The following ELMO1 variants were observed in gnomAD, a reference collection of about 807,000 sequenced individuals.
ELMO1 encodes engulfment and cell motility 1.
In ELMO1, 26 loss-of-function variants were observed where a neutral mutation model predicts 98.9. That is an observed-to-expected ratio of 0.26 (90% CI 0.19 to 0.36). The LOEUF is 0.36. ELMO1 is among the 10% of genes least tolerant of loss of function. ELMO1 has a pLI of 1.00. For synonymous variants in ELMO1, 346 were observed against 346.0 expected, an observed-to-expected ratio of 1.00 and a Z score of 0.00; for missense variants, 627 against 935.2, an observed-to-expected ratio of 0.67 and a Z score of 4.30.
At chr7:37,324,410 A>AC (rs1214798520) in intron 2 of ELMO1, among the ~76,000 whole-genome samples, 2 of 151,396 alleles carry the variant, frequency 1.3e-5, no homozygotes, top group Non-Finnish European at 3.0e-5. Context: ...ACCCAGAAAA[A>AC]AAAGGCTGCT....
At chr7:37,426,614 T>A (rs138136004) in intron 1 of ELMO1, among the ~76,000 whole-genome samples, 1 of 152,290 alleles carries the variant, frequency 6.6e-6, no homozygotes, top group East Asian at 1.9e-4. Context: ...TACCAGCATC[T>A]CGTTTGGATT....
chr7:36,933,885 G>A (rs1192890841), intron 16 of ELMO1, among the ~76,000 whole-genome samples: 1 of 152,218 alleles, frequency 6.6e-6, no homozygotes, highest in Non-Finnish European at 1.5e-5. Flanking sequence ...ACTTCAAGTT[G>A]CCCGTCCCAT....
chr7:37,404,353 C>T (rs528019727), intron 1 of ELMO1, among the ~76,000 whole-genome samples: 7 of 152,108 alleles, frequency 4.6e-5, no homozygotes, highest in South Asian at 2.1e-4. Flanking sequence ...GGTGACTGTG[C>T]GCCATGATTT....
At chr7:36,972,055 G>T (rs949745142) in intron 16 of ELMO1, among the ~76,000 whole-genome samples, 1 of 152,136 alleles carries the variant, frequency 6.6e-6, no homozygotes, top group African/African-American at 2.4e-5. Flanking sequence ...CCCAACAATG[G>T]CAATGAACGT....
chr7:36,905,883 A>G (rs1208543178), intron 16 of ELMO1, among the ~76,000 whole-genome samples: 1 of 152,274 alleles, frequency 6.6e-6, no homozygotes, highest in Non-Finnish European at 1.5e-5. Context: ...ACAAAGAAAT[A>G]AATGAAAAGT....
chr7:37,172,410 T>C (rs1263205403), intron 13 of ELMO1, among the ~76,000 whole-genome samples: 3 of 152,178 alleles, frequency 2.0e-5, no homozygotes, highest in Non-Finnish European at 4.4e-5. Flanking sequence ...ATGTTCTCTC[T>C]GTATTTCTCT....
intron 6 of ELMO1, among the ~76,000 whole-genome samples, chr7:37,254,190 G>C (rs771144856): frequency 6.6e-6 from 1 of 152,106 alleles, no homozygotes; most frequent in Non-Finnish European, 1.5e-5. Context: ...CGAAAATAGC[G>C]TAACTTTGAA....
chr7:37,024,150 T>A (rs1794437277), intron 15 of ELMO1, among the ~76,000 whole-genome samples: 1 of 152,132 alleles, frequency 6.6e-6, no homozygotes, highest in Non-Finnish European at 1.5e-5. Context: ...GGTCCATCCA[T>A]CCATCTAACT....
chr7:37,223,433 A>G (rs1793706118), intron 9 of ELMO1, among the ~76,000 whole-genome samples: 1 of 152,216 alleles, frequency 6.6e-6, no homozygotes, highest in Admixed American at 6.5e-5. Flanking sequence ...GAGACCTTGG[A>G]CAAGTTCATG....
intron 1 of ELMO1, among the ~76,000 whole-genome samples, chr7:37,420,227 A>T (rs1166420848): frequency 6.6e-6 from 1 of 152,210 alleles, no homozygotes; most frequent in African/African-American, 2.4e-5. Context: ...GCCCTGGCAC[A>T]CTTCAACAGC....
intron 13 of ELMO1, among the ~76,000 whole-genome samples, chr7:37,155,481 G>A (rs1380056340): frequency 4.2e-4 from 2 of 4,714 alleles, no homozygotes. Context: ...AGAAGCAAAC[G>A]GAAAGCAAAA....
chr7:37,028,243 C>G (rs1267165762), intron 15 of ELMO1, among the ~76,000 whole-genome samples: 1 of 152,128 alleles, frequency 6.6e-6, no homozygotes, highest in Non-Finnish European at 1.5e-5. Flanking sequence ...TTGCTGCTCA[C>G]TGGAGAAGTA....
intron 13 of ELMO1, among the ~76,000 whole-genome samples, chr7:37,205,633 C>T (rs1004085271): frequency 6.6e-6 from 1 of 152,066 alleles, no homozygotes; most frequent in Non-Finnish European, 1.5e-5. Flanking sequence ...CCTAGACAGA[C>T]TGGGAAAGGG....
At chr7:37,234,134 T>G (rs898951071) in intron 7 of ELMO1, among the ~76,000 whole-genome samples, 1 of 152,094 alleles carries the variant, frequency 6.6e-6, no homozygotes, top group Non-Finnish European at 1.5e-5. Flanking sequence ...AAATACTCTT[T>G]CTTTGAGTAC....
Position 36,880,954 on chromosome 7 carries a change from G to A in ELMO1, c.1715-2837C>T, listed in dbSNP as rs568602092. Among the ~76,000 whole-genome samples, 12 of 152,300 alleles carry A rather than the reference G, an allele frequency of 7.9e-5. No individual in the cohort carries two copies. In the East Asian group the frequency reaches 1.9e-3, roughly 25 times the overall value. On this transcript the variant is annotated intron_variant, in intron 18 of 21. Coordinates refer to ENST00000310758, the MANE Select transcript of ELMO1 (RefSeq NM_014800.11). ...TCCAAAGCTGAAATTCCCTTGACTT[G>A]TATGACACCATCTTGCCTTGGTTTT...
At chr7:36,881,550 G>A (rs180833257) in intron 18 of ELMO1, among the ~76,000 whole-genome samples, 85 of 152,364 alleles carry the variant, frequency 5.6e-4, no homozygotes, top group Admixed American at 5.6e-3. Context: ...AATAGTTAAT[G>A]TGGAGGTCTT....
At chr7:37,443,615 A>C (rs1805499084) in intron 1 of ELMO1, among the ~76,000 whole-genome samples, 1 of 152,242 alleles carries the variant, frequency 6.6e-6, no homozygotes, top group African/African-American at 2.4e-5. Flanking sequence ...ATACAGCACT[A>C]AGACACAAGT....
intron 4 of ELMO1, among the ~76,000 whole-genome samples, chr7:37,310,793 C>T (rs1798850355): frequency 2.0e-5 from 3 of 152,188 alleles, no homozygotes; most frequent in Admixed American, 2.0e-4. Flanking sequence ...CAAGTCTCAG[C>T]TTGTCCACTT....
intron 13 of ELMO1, among the ~76,000 whole-genome samples, chr7:37,190,068 G>T (rs188862667): frequency 2.8e-5 from 4 of 144,700 alleles, no homozygotes; most frequent in East Asian, 2.0e-4. Context: ...AAGAAGAAAT[G>T]ATATTTAGCA....
Sources: allele counts gnomAD v4.1 joint callset (sites outside exome capture counted in the v4.1 genomes callset), GRCh38; gene constraint gnomAD v4.1.1; transcripts MANE v1.5; gene names NCBI Gene and HGNC (gene_info 2026-07-23, HGNC 2026-07-21).